The following CSGALNACT1 variants were observed in gnomAD, a reference collection of about 807,000 sequenced individuals.
CSGALNACT1 encodes the protein beta4GalNAcT-1.
In CSGALNACT1, 52 loss-of-function variants were observed where a neutral mutation model predicts 51.0. The observed-to-expected ratio is 1.02, with a 90% confidence interval of 0.82 to 1.29. The LOEUF is 1.29. Among genes scored for constraint, CSGALNACT1 ranks in the 50% most tolerant of loss-of-function variants. CSGALNACT1 has a pLI of 0.00. For missense variants in CSGALNACT1, 935 were observed against 679.2 expected, an observed-to-expected ratio of 1.38 and a Z score of -4.19; for synonymous variants, 341 against 254.4, an observed-to-expected ratio of 1.34 and a Z score of -3.24.
At chr8:19,406,583 C>G (rs777588500) in intron 9 of CSGALNACT1, among the ~76,000 whole-genome samples, 1 of 141,810 alleles carries the variant, frequency 7.1e-6, no homozygotes, top group African/African-American at 2.6e-5. Context: ...TCACATGTAC[C>G]CCATAAACAT....
intron 4 of CSGALNACT1, among the ~76,000 whole-genome samples, chr8:19,498,334 C>T (rs143065305): frequency 5.1e-4 from 77 of 152,300 alleles, no homozygotes; most frequent in African/African-American, 1.8e-3. Context: ...CATCCACAAC[C>T]GTAACTGATG....
intron 8 of CSGALNACT1, among the ~76,000 whole-genome samples, chr8:19,412,409 T>C (rs978566474): frequency 6.6e-6 from 1 of 152,238 alleles, no homozygotes; most frequent in Non-Finnish European, 1.5e-5. Context: ...GCAGCCGCCC[T>C]GCAGCTGCAT....
intron 1 of CSGALNACT1, among the ~76,000 whole-genome samples, chr8:19,705,567 C>A (rs547594443): frequency 9.3e-4 from 142 of 152,178 alleles, no homozygotes; most frequent in African/African-American, 3.2e-3. Flanking sequence ...GAAACACCAT[C>A]TCTACAAAAA....
chr8:19,647,684 A>T (rs564817810), intron 1 of CSGALNACT1, among the ~76,000 whole-genome samples: 1 of 152,358 alleles, frequency 6.6e-6, no homozygotes, highest in East Asian at 1.9e-4. Context: ...TAACACAGAT[A>T]AAGAAATTGC....
At chr8:19,653,939 C>G (rs1371342531) in intron 1 of CSGALNACT1, among the ~76,000 whole-genome samples, 2 of 152,134 alleles carry the variant, frequency 1.3e-5, no homozygotes, top group African/African-American at 4.8e-5. Flanking sequence ...GTCTGACATG[C>G]CTCCATTCCC....
At chr8:19,621,511 T>C (rs1487106993) in intron 1 of CSGALNACT1, among the ~76,000 whole-genome samples, 2 of 152,186 alleles carry the variant, frequency 1.3e-5, no homozygotes, top group Non-Finnish European at 1.5e-5. Flanking sequence ...CCAGGCACAG[T>C]GGCTGTTATG....
intron 8 of CSGALNACT1, among the ~76,000 whole-genome samples, chr8:19,412,602 C>T (rs370605542): frequency 6.5e-4 from 99 of 152,344 alleles, no homozygotes; most frequent in Middle Eastern, 3.4e-3. Flanking sequence ...TTCACAGCAA[C>T]GCCCGTTAGC....
At chr8:19,611,160 A>G (rs2052203135) in intron 1 of CSGALNACT1, among the ~76,000 whole-genome samples, 1 of 152,260 alleles carries the variant, frequency 6.6e-6, no homozygotes, top group Admixed American at 6.5e-5. Flanking sequence ...AATATAAGCT[A>G]TACTAGACAC....
intron 1 of CSGALNACT1, among the ~76,000 whole-genome samples, chr8:19,699,041 T>C (rs1244225772): frequency 6.6e-6 from 1 of 152,222 alleles, no homozygotes; most frequent in African/African-American, 2.4e-5. Flanking sequence ...TTTTTTCTTT[T>C]TTTCTTTTTT....
At chr8:19,492,248 C>G (rs1419824776) in intron 4 of CSGALNACT1, among the ~76,000 whole-genome samples, 2 of 152,142 alleles carry the variant, frequency 1.3e-5, no homozygotes, top group African/African-American at 4.8e-5. Flanking sequence ...TGAGATCAAC[C>G]AGCATACTGC....
At chr8:19,412,253 A>C (rs2055936297) in intron 8 of CSGALNACT1, among the ~76,000 whole-genome samples, 1 of 152,220 alleles carries the variant, frequency 6.6e-6, no homozygotes, top group East Asian at 1.9e-4. Context: ...AATGTACCAC[A>C]AAAGGACAGT....
intron 1 of CSGALNACT1, among the ~76,000 whole-genome samples, chr8:19,711,101 A>G (rs1340984996): frequency 6.6e-6 from 1 of 152,140 alleles, no homozygotes; most frequent in African/African-American, 2.4e-5. Flanking sequence ...AAATATAAAT[A>G]TATTTCCAAA....
intron 1 of CSGALNACT1, among the ~76,000 whole-genome samples, chr8:19,614,949 A>G (rs6984441): frequency 0.023 from 3,458 of 152,330 alleles, 140 homozygotes; most frequent in African/African-American, 0.079. Context: ...TTTTGCAGTG[A>G]TATTTCAATT....
At chr8:19,523,956 A>G (rs2081199324) in intron 3 of CSGALNACT1, among the ~76,000 whole-genome samples, 1 of 152,208 alleles carries the variant, frequency 6.6e-6, no homozygotes. Context: ...TGTTAGGTAG[A>G]GATGGAAAAA....
intron 1 of CSGALNACT1, among the ~76,000 whole-genome samples, chr8:19,657,400 T>G (rs892661309): frequency 7.9e-5 from 12 of 152,118 alleles, no homozygotes; most frequent in Non-Finnish European, 1.5e-4. Flanking sequence ...TGTGAAGAAA[T>G]AATGGTTGGA....
intron 1 of CSGALNACT1, among the ~76,000 whole-genome samples, chr8:19,703,086 T>C (rs1263504124): frequency 6.6e-6 from 1 of 152,164 alleles, no homozygotes; most frequent in Non-Finnish European, 1.5e-5. Context: ...AGGGAGGTCA[T>C]TGGGAAGTGC....
chr8:19,671,186 G>C (rs1589416317), intron 1 of CSGALNACT1, among the ~76,000 whole-genome samples: 1 of 152,114 alleles, frequency 6.6e-6, no homozygotes, highest in Non-Finnish European at 1.5e-5. Flanking sequence ...GAAAAGGCAA[G>C]GACAGGCTCA....
intron 5 of CSGALNACT1, among the ~76,000 whole-genome samples, chr8:19,444,821 G>A (rs1345675156): frequency 2.0e-5 from 3 of 152,316 alleles, no homozygotes; most frequent in Admixed American, 2.0e-4. Context: ...AAAGAACAGG[G>A]AATTGAGAAG....
Position 19,743,330 on chromosome 8 carries a change from G to C in CSGALNACT1, c.-297+14520C>G, listed in dbSNP as rs187522869. Among the ~76,000 whole-genome samples, 20 of 152,260 alleles carry C rather than the reference G, an allele frequency of 1.3e-4. No individual in the cohort carries two copies. In the East Asian group the frequency reaches 3.9e-3, roughly 29 times the overall value. On this transcript the variant is annotated intron_variant, in intron 1 of 1. Coordinates refer to the CSGALNACT1 transcript ENST00000517494. ...TTCCTAATGTGGTTCATGACAGTCA[G>C]CCCAGATTACATGTGTATGTGTATG... is the stretch of plus-strand genomic sequence containing the variant.
Sources: allele counts gnomAD v4.1 joint callset (sites outside exome capture counted in the v4.1 genomes callset), GRCh38; gene constraint gnomAD v4.1.1; transcripts MANE v1.5; gene names NCBI Gene and HGNC (gene_info 2026-07-23, HGNC 2026-07-21).